The following TSHR variants were observed in gnomAD, a reference collection of about 807,000 sequenced individuals.
The protein encoded by TSHR is thyroid stimulating hormone receptor.
Under a neutral mutation model 64.1 loss-of-function variants are expected in TSHR, and 51 were observed. The observed-to-expected ratio is 0.80, with a 90% CI of 0.64 to 1.01. TSHR has a LOEUF of 1.01. TSHR is among the 50% of genes least tolerant of loss of function. The pLI, the probability that TSHR is intolerant of heterozygous loss-of-function variation, is 0.00. For synonymous variants in TSHR, 361 were observed against 361.9 expected (o/e 1.00, Z 0.03); for missense variants, 877 against 942.8 (o/e 0.93, Z 0.91).
At chr14:81,035,762 T>A (rs1263641363) in intron 1 of TSHR, among the ~76,000 whole-genome samples, 1 of 152,192 alleles carries the variant, frequency 6.6e-6, no homozygotes, top group African/African-American at 2.4e-5. Context: ...TGTTGTACAC[T>A]TTACCCCTTA....
At chr14:81,142,267 G>A (rs1299158601) in intron 9 of TSHR, among the ~76,000 whole-genome samples, 1 of 152,192 alleles carries the variant, frequency 6.6e-6, no homozygotes, top group Non-Finnish European at 1.5e-5. Context: ...TTTCAGTAGA[G>A]ATGGGGTTTC....
intron 8 of TSHR, among the ~76,000 whole-genome samples, chr14:81,126,843 C>T (rs1339131086): frequency 6.6e-6 from 1 of 152,178 alleles, no homozygotes; most frequent in Non-Finnish European, 1.5e-5. Flanking sequence ...AGGCTCTGTG[C>T]TATTTTTACA....
At chr14:81,138,024 C>CAGAGAGCAA (rs1891522738) in intron 8 of TSHR, among the ~76,000 whole-genome samples, 1 of 152,126 alleles carries the variant, frequency 6.6e-6, no homozygotes. Context: ...CGGATGAGGC[C>CAGAGAGCAA]AGAGAGCAAA....
At chr14:81,105,297 G>A (rs1434810864) in intron 7 of TSHR, 2 of 924,826 alleles carry the variant, frequency 2.2e-6, no homozygotes, top group East Asian at 2.4e-4. Flanking sequence ...GGATATCAAG[G>A]CTTCTGTATA....
At chr14:81,071,598 T>C (rs1218371530) in intron 3 of TSHR, among the ~76,000 whole-genome samples, 1 of 151,904 alleles carries the variant, frequency 6.6e-6, no homozygotes, top group Non-Finnish European at 1.5e-5. Context: ...ATCTTGTCTC[T>C]ACCAAAAAAA....
chr14:80,967,156 GA>G (rs911220592), intron 1 of TSHR, among the ~76,000 whole-genome samples: 3 of 133,328 alleles, frequency 2.3e-5, no homozygotes, highest in Admixed American at 8.4e-5. Context: ...ATCTGGAGGA[GA>G]AAAAAAAATT....
At chr14:81,102,798 C>T (rs917371832) in intron 7 of TSHR, 35 of 985,104 alleles carry the variant, frequency 3.6e-5, no homozygotes, top group Middle Eastern at 5.2e-4. Context: ...CATTGTGTGG[C>T]GAAATATGTA....
intron 1 of TSHR, among the ~76,000 whole-genome samples, chr14:80,970,848 C>T (rs1483377286): frequency 6.6e-6 from 1 of 152,180 alleles, no homozygotes; most frequent in Non-Finnish European, 1.5e-5. Flanking sequence ...CAGGGTCTCA[C>T]TCTGTCACCC....
chr14:81,133,238 T>C (rs1315776026), intron 8 of TSHR, among the ~76,000 whole-genome samples: 1 of 152,214 alleles, frequency 6.6e-6, no homozygotes, highest in Non-Finnish European at 1.5e-5. Context: ...TTCCTATTTA[T>C]ACATCCACAA....
At chr14:81,112,513 T>C (rs1352354102) in intron 8 of TSHR, among the ~76,000 whole-genome samples, 1 of 152,202 alleles carries the variant, frequency 6.6e-6, no homozygotes, top group African/African-American at 2.4e-5. Flanking sequence ...CCTCATACCT[T>C]AGCTCTTATT....
chr14:81,043,571 A>G (rs932954896), intron 1 of TSHR, among the ~76,000 whole-genome samples: 1 of 152,222 alleles, frequency 6.6e-6, no homozygotes, highest in Non-Finnish European at 1.5e-5. Context: ...GCTACACAGA[A>G]TTAGAAAAAA....
chr14:80,964,939 T>C (rs546855944), intron 1 of TSHR, among the ~76,000 whole-genome samples: 1 of 152,300 alleles, frequency 6.6e-6, no homozygotes, highest in South Asian at 2.1e-4. Context: ...TGTTACTACT[T>C]GAGACCATCA....
At chr14:81,121,237 A>G (rs1890779167) in intron 8 of TSHR, among the ~76,000 whole-genome samples, 1 of 152,158 alleles carries the variant, frequency 6.6e-6, no homozygotes, top group Non-Finnish European at 1.5e-5. Context: ...ATGGGATAAA[A>G]ATAATAAATT....
chr14:81,131,564 G>C (rs1020211631), intron 8 of TSHR, among the ~76,000 whole-genome samples: 4 of 152,176 alleles, frequency 2.6e-5, no homozygotes, highest in African/African-American at 9.7e-5. Context: ...CTCAGCACCA[G>C]CAACACTGGC....
chr14:81,088,797 C>G (rs1020443568), intron 4 of TSHR, among the ~76,000 whole-genome samples: 2 of 152,158 alleles, frequency 1.3e-5, no homozygotes, highest in Non-Finnish European at 2.9e-5. Flanking sequence ...TTCAGTTCAT[C>G]TTCATCCAGA....
chr14:81,087,760 T>C (rs906081632), intron 3 of TSHR, 194 bp from the exon 4 acceptor site: 11 of 645,672 alleles, frequency 1.7e-5, no homozygotes, highest in South Asian at 6.8e-5. Flanking sequence ...TGAGCAGCCA[T>C]TGGGTCCCCG....
At chr14:80,991,427 G>C (rs1026371610) in intron 1 of TSHR, 1 of 389,610 alleles carries the variant, frequency 2.6e-6, no homozygotes, top group Non-Finnish European at 4.5e-6. Context: ...AGAGGAAATA[G>C]AGAGACAAAT....
intron 8 of TSHR, among the ~76,000 whole-genome samples, chr14:81,138,435 C>T (rs888481819): frequency 1.3e-5 from 2 of 152,096 alleles, no homozygotes; most frequent in East Asian, 3.9e-4. Context: ...GTGATCCGCC[C>T]GCCTCAGCCT....
At chr14:80,982,910 C>T (rs1166562264) in intron 1 of TSHR, 8 of 515,362 alleles carry the variant, frequency 1.6e-5, no homozygotes, top group South Asian at 1.5e-4. Flanking sequence ...GGGATTAAGC[C>T]ATTTGCTTAC....
Sources: allele counts gnomAD v4.1 joint callset (sites outside exome capture counted in the v4.1 genomes callset), GRCh38; gene constraint gnomAD v4.1.1; transcripts MANE v1.5; gene names NCBI Gene and HGNC (gene_info 2026-07-23, HGNC 2026-07-21).